The following XKR4 variants were observed in gnomAD, a reference collection of about 807,000 sequenced individuals.
The protein encoded by XKR4 is XK-related protein 4.
Under a neutral mutation model 53.9 loss-of-function variants are expected in XKR4, and 12 were observed. The ratio of observed to expected loss-of-function variants is 0.22; its 90% confidence interval spans 0.14 to 0.36. The LOEUF (loss-of-function observed/expected upper bound fraction) is 0.36. XKR4 is among the 10% of genes least tolerant of loss of function. The pLI is 1.00. For missense variants in XKR4, 799 were observed against 859.5 expected, an observed-to-expected ratio of 0.93 and a Z score of 0.88; for synonymous variants, 354 against 362.4, an observed-to-expected ratio of 0.98 and a Z score of 0.26.
chr8:55,195,748 G>C (rs1817497108), intron 1 of XKR4, among the ~76,000 whole-genome samples: 1 of 152,258 alleles, frequency 6.6e-6, no homozygotes, highest in South Asian at 2.1e-4. Flanking sequence ...TATCAGAGGA[G>C]GTGTTTAGTT....
rs145454214 is a variant in XKR4, at chr8:55,249,205, A to G, written c.807-108473A>G. The stretch of plus-strand genomic sequence containing the variant: ...AAGGGGTATTTCCTGCAATTCAAGG[A>G]CACGAATATAAACAGTACTCATGAA... On this transcript the variant is annotated intron_variant, in intron 1 of 2. Coordinates refer to ENST00000327381, the MANE Select transcript of XKR4 (RefSeq NM_052898.2). 9.8e-3 allele frequency among the ~76,000 whole-genome samples: 1,496 copies of G among 152,262 alleles called. 96 individuals carry two copies. The highest frequency in any genetic ancestry group is 0.085 in the Admixed American group (1,305 of 15,284).
intron 2 of XKR4, among the ~76,000 whole-genome samples, chr8:55,457,388 C>T (rs1438874209): frequency 6.6e-5 from 10 of 152,220 alleles, no homozygotes; most frequent in South Asian, 2.1e-4. Flanking sequence ...GTGATCTGCC[C>T]GCTTTGGCCT....
At chr8:55,401,004 C>G (rs1804592468) in intron 2 of XKR4, among the ~76,000 whole-genome samples, 2 of 152,200 alleles carry the variant, frequency 1.3e-5, no homozygotes, top group Admixed American at 1.3e-4. Flanking sequence ...GCACTTGACT[C>G]ATAGGTACAT....
At chr8:55,278,948 AAAAAACAAAAAC>A (rs1318784616) in intron 1 of XKR4, among the ~76,000 whole-genome samples, 1 of 152,210 alleles carries the variant, frequency 6.6e-6, no homozygotes, top group Non-Finnish European at 1.5e-5. Context: ...AAGAGAAGCA[AAAAAACAAAAAC>A]AAAAACAAAA....
chr8:55,478,821 A>T (rs1380982786), intron 2 of XKR4, among the ~76,000 whole-genome samples: 1 of 152,152 alleles, frequency 6.6e-6, no homozygotes, highest in African/African-American at 2.4e-5. Flanking sequence ...ACATAATGGT[A>T]AAGGGATCAA....
At position 55,532,471 on chromosome 8, in the gene XKR4, T is replaced by C. The variant is rs1417562833; in HGVS notation, c.*8244T>C. 1 of 152,190 alleles carries C rather than the reference T, an allele frequency of 6.6e-6. No individual in the cohort carries two copies. Among genetic ancestry groups the C allele is most frequent in the African/African-American group, 2.4e-5 (1 of 41,448 alleles). 9.4% of individuals were successfully genotyped at this position (152,190 alleles called of 1,614,324 possible). ...ACAAAATTTTCTCTTGTGCTAGTAATTGAAGTATGTCATCTACCCTGTTAT... is the reference window on the plus strand; with the variant it reads ...ACAAAATTTTCTCTTGTGCTAGTAACTGAAGTATGTCATCTACCCTGTTAT... On this transcript the variant is annotated 3_prime_UTR_variant, in exon 3 of 3. Coordinates refer to ENST00000327381, the MANE Select transcript of XKR4 (RefSeq NM_052898.2).
At chr8:55,501,683 TAC>T (rs1806439772) in intron 2 of XKR4, among the ~76,000 whole-genome samples, 1 of 94,216 alleles carries the variant, frequency 1.1e-5, no homozygotes, top group Admixed American at 1.3e-4. Flanking sequence ...TGTAAATACA[TAC>T]ATATATATAT....
intron 1 of XKR4, among the ~76,000 whole-genome samples, chr8:55,349,200 A>G (rs954451791): frequency 3.3e-5 from 5 of 152,236 alleles, no homozygotes; most frequent in African/African-American, 1.2e-4. Flanking sequence ...GAAATTAGAA[A>G]GTAATTCCCC....
rs11354906 is a variant in XKR4, at chr8:55,139,673, G to GTTT, written c.806+36388_806+36390dup. 1.0e-3 allele frequency among the ~76,000 whole-genome samples: 157 copies of GTTT among 150,002 alleles called. 1 individual carries two copies. The highest frequency in any genetic ancestry group is 3.7e-3 in the African/African-American group (151 of 40,996). On this transcript the variant is annotated intron_variant, in intron 1 of 2. Coordinates refer to ENST00000327381, the MANE Select transcript of XKR4 (RefSeq NM_052898.2). ...TAATGTTAAAAAGAGAATAGTAGCTGTTTTTTTTTTTAACAATGCTTAATT... is the reference window on the plus strand; with the variant it reads ...TAATGTTAAAAAGAGAATAGTAGCTGTTTTTTTTTTTTTTAACAATGCTTAATT...
At chr8:55,438,505 G>A (rs1189075253) in intron 2 of XKR4, among the ~76,000 whole-genome samples, 1 of 148,072 alleles carries the variant, frequency 6.8e-6, no homozygotes, top group Non-Finnish European at 1.5e-5. Context: ...AAGGAGAATT[G>A]CTTCAACCTG....
chr8:55,454,248 G>A, intron 2 of XKR4: 2 of 1,227,168 alleles, frequency 1.6e-6, no homozygotes, highest in South Asian at 1.2e-5. Context: ...TCTCCATCCA[G>A]ATCAGCTACA....
At chr8:55,118,118 T>G (rs1033088627) in intron 1 of XKR4, among the ~76,000 whole-genome samples, 2 of 152,206 alleles carry the variant, frequency 1.3e-5, no homozygotes, top group Non-Finnish European at 2.9e-5. Flanking sequence ...GGGCTAGATT[T>G]CTGATAAACT....
At chr8:55,194,107 T>C (rs1423484737) in intron 1 of XKR4, among the ~76,000 whole-genome samples, 1 of 152,168 alleles carries the variant, frequency 6.6e-6, no homozygotes, top group Non-Finnish European at 1.5e-5. Context: ...AGCCACTCTC[T>C]TTGAGTACCT....
rs777376926 is a variant in XKR4 at position 55,102,741 on chromosome 8, G to T, written c.253G>T (p.Gly85Cys). The T allele has an allele frequency of 2.5e-6, 3 of 1,207,010 alleles. No homozygotes were observed. The highest frequency in any genetic ancestry group is 3.1e-6 in the Non-Finnish European group (3 of 972,134). 74.8% of individuals were successfully genotyped at this position (1,207,010 alleles called of 1,614,324 possible). ...CTCGGGCGGCTCCGGCGGCGTCGCCGGCCCGGGCGGCGGCGGGGCGGGCTC... is the reference window on the plus strand; with the variant it reads ...CTCGGGCGGCTCCGGCGGCGTCGCCTGCCCGGGCGGCGGCGGGGCGGGCTC... ...AGSGGSGGVAGPGGGGAGSAA... is the reference protein window; with the variant it reads ...AGSGGSGGVACPGGGGAGSAA... The change falls in exon 1 of 3, where the codon GGC (glycine) becomes TGC (cysteine). Residue 85 changes from glycine to cysteine, a missense_variant. Gly to Cys is a radical substitution (Grantham distance 159). This residue lies in a region of XKR4 where 476 missense variants were observed against 505.4 expected (regional missense o/e 0.94). Transcript: ENST00000327381. The surrounding 1 kb of genome is among the most constrained non-coding windows in gnomAD (Gnocchi z 5.1).
At chr8:55,475,899 C>A (rs1428683942) in intron 2 of XKR4, among the ~76,000 whole-genome samples, 3 of 152,012 alleles carry the variant, frequency 2.0e-5, no homozygotes, top group Non-Finnish European at 4.4e-5. Flanking sequence ...CCACACCCAG[C>A]CTCACACTCA....
At chr8:55,256,602 T>A (rs1468850804) in intron 1 of XKR4, among the ~76,000 whole-genome samples, 1 of 152,156 alleles carries the variant, frequency 6.6e-6, no homozygotes. Flanking sequence ...GTAAGGGTAT[T>A]TTCTCCATTG....
intron 2 of XKR4, among the ~76,000 whole-genome samples, chr8:55,472,679 T>A (rs950755972): frequency 6.6e-6 from 1 of 152,010 alleles, no homozygotes; most frequent in Non-Finnish European, 1.5e-5. Flanking sequence ...CCAGAGAGAT[T>A]TGTAAGACGA....
intron 2 of XKR4, among the ~76,000 whole-genome samples, chr8:55,381,642 G>A (rs1479569065): frequency 2.0e-5 from 3 of 151,916 alleles, no homozygotes; most frequent in Non-Finnish European, 4.4e-5. Context: ...TTGGGTGGAA[G>A]CCACCCACAT....
chr8:55,394,656 AAC>A (rs1180812771), intron 2 of XKR4, among the ~76,000 whole-genome samples: 2 of 152,148 alleles, frequency 1.3e-5, no homozygotes, highest in African/African-American at 2.4e-5. Context: ...GAGTTATTTA[AAC>A]ACACACACAA....
Sources: allele counts gnomAD v4.1 joint callset (sites outside exome capture counted in the v4.1 genomes callset), GRCh38; gene constraint gnomAD v4.1.1; regional missense constraint gnomAD v4.1.1; non-coding constraint Gnocchi (gnomAD v3.1); transcripts MANE v1.5; gene names NCBI Gene and HGNC (gene_info 2026-07-23, HGNC 2026-07-21).